Variants in PI15 observed in about 807,000 individuals in gnomAD.
The protein encoded by PI15 is 25 kDa trypsin inhibitor.
A neutral mutation model predicts 31.0 loss-of-function variants in PI15; 18 were observed. The observed-to-expected ratio is 0.58, with a 90% CI of 0.40 to 0.86. The LOEUF is 0.86. Ranked by LOEUF, PI15 falls within the 40% of genes least tolerant of loss-of-function variation. The pLI is 0.00. For missense variants in PI15, 282 were observed against 328.1 expected (o/e 0.86, Z 1.09); for synonymous variants, 118 against 119.1 (o/e 0.99, Z 0.06).
chr8:74,833,008 CAG>C, intron 2 of PI15, among the ~76,000 whole-genome samples: 1 of 152,100 alleles, frequency 6.6e-6, no homozygotes, highest in Non-Finnish European at 1.5e-5. Context: ...CTCTGCATTC[CAG>C]AGAGATCATG....
chr8:74,846,744 T>A (rs910695206), intron 5 of PI15, among the ~76,000 whole-genome samples: 10 of 151,816 alleles, frequency 6.6e-5, no homozygotes, highest in Non-Finnish European at 1.0e-4. Flanking sequence ...AAACCTAATA[T>A]GAAATTATGT....
At position 74,837,785 on chromosome 8, in the gene PI15, C is replaced by G. The variant is rs1293011863; in HGVS notation, c.274-6196C>G. Among the ~76,000 whole-genome samples, 5 of 152,158 alleles carry G rather than the reference C, an allele frequency of 3.3e-5. No homozygotes were observed. In the South Asian group the frequency reaches 8.3e-4, roughly 25 times the overall value. On this transcript the variant is annotated intron_variant, in intron 2 of 5. Coordinates refer to ENST00000260113, the MANE Select transcript of PI15 (RefSeq NM_015886.5). The stretch of plus-strand genomic sequence containing the variant: ...TAAATGTCCAAAAGGACATGCCACA[C>G]AGTCTCCAATGCCATTGACATGGCA...
At chr8:74,846,194 C>A (rs1811023032) in intron 5 of PI15, among the ~76,000 whole-genome samples, 1 of 152,164 alleles carries the variant, frequency 6.6e-6, no homozygotes, top group Admixed American at 6.5e-5. Context: ...AAATAAGTCT[C>A]AAACAAAGAT....
chr8:74,844,767 T>C (rs2128765912), intron 3 of PI15: 1 of 205,768 alleles, frequency 4.9e-6, no homozygotes, highest in Middle Eastern at 2.0e-3. Context: ...TCTAATATTG[T>C]GACTACTTTT....
intron 2 of PI15, among the ~76,000 whole-genome samples, chr8:74,827,904 A>G (rs1810722504): frequency 6.6e-6 from 1 of 152,136 alleles, no homozygotes; most frequent in African/African-American, 2.4e-5. Context: ...TAATTCAGTA[A>G]AAGTAATGAG....
At chr8:74,832,814 GC>G (rs966603587) in intron 2 of PI15, among the ~76,000 whole-genome samples, 3 of 151,970 alleles carry the variant, frequency 2.0e-5, no homozygotes, top group Non-Finnish European at 4.4e-5. Context: ...ATGGAAGAAT[GC>G]CCAACACGTT....
intron 3 of PI15, 140 bp downstream of exon 3, chr8:74,844,239 C>G: frequency 1.5e-6 from 1 of 663,288 alleles, no homozygotes; most frequent in Non-Finnish European, 2.7e-6. Context: ...AACGCTTGGC[C>G]TATGAATATT....
intron 2 of PI15, among the ~76,000 whole-genome samples, chr8:74,831,089 C>A (rs888869833): frequency 6.6e-6 from 1 of 152,130 alleles, no homozygotes; most frequent in Non-Finnish European, 1.5e-5. Context: ...AAGGTTCTTG[C>A]CTTTTGTTCC....
At chr8:74,839,275 AC>A (rs1440231423) in intron 2 of PI15, among the ~76,000 whole-genome samples, 1 of 152,178 alleles carries the variant, frequency 6.6e-6, no homozygotes, top group Non-Finnish European at 1.5e-5. Context: ...ATTTATAAGC[AC>A]AATAGCTCAT....
chr8:74,842,975 T>C (rs1424565919), intron 2 of PI15, among the ~76,000 whole-genome samples: 1 of 152,212 alleles, frequency 6.6e-6, no homozygotes, highest in African/African-American at 2.4e-5. Context: ...ATCATCGTAT[T>C]ATTTTTATTA....
At chr8:74,841,331 G>A (rs909465043) in intron 2 of PI15, among the ~76,000 whole-genome samples, 6 of 152,182 alleles carry the variant, frequency 3.9e-5, no homozygotes, top group African/African-American at 1.4e-4. Flanking sequence ...GGCTACTCAA[G>A]TGTATCTAAA....
In PI15 at chr8:74,852,078, C is replaced by T. The variant is rs1479953247; in HGVS notation, c.*2825C>T. 6.6e-6 allele frequency: 1 copy of T among 152,444 alleles called. No homozygotes were observed. Among genetic ancestry groups the T allele is most frequent in the East Asian group, 1.9e-4 (1 of 5,192 alleles). 9.4% of individuals were successfully genotyped at this position (152,444 alleles called of 1,614,324 possible). A position where few individuals can be genotyped will look rare whatever the true frequency, so the allele number is the denominator to read the frequency against. The stretch of plus-strand genomic sequence containing the variant: ...ATGGTGCTAGGATAGCTATTTCTTA[C>T]TGTAATTGCCAGAGGCAGAAATGGT... On this transcript the variant is annotated 3_prime_UTR_variant, in exon 6 of 6. Transcript: ENST00000260113.
intron 2 of PI15, among the ~76,000 whole-genome samples, chr8:74,829,613 A>G (rs1810751646): frequency 6.6e-6 from 1 of 152,176 alleles, no homozygotes; most frequent in Non-Finnish European, 1.5e-5. Context: ...AGATCCAAAG[A>G]AAACAAACAT....
chr8:74,842,020 T>C (rs993402507), intron 2 of PI15, among the ~76,000 whole-genome samples: 2 of 152,114 alleles, frequency 1.3e-5, no homozygotes, highest in Non-Finnish European at 2.9e-5. Flanking sequence ...TATCTTTTTT[T>C]TTCTTATTTT....
At chr8:74,848,083 T>C (rs2128766414) in intron 5 of PI15, among the ~76,000 whole-genome samples, 1 of 152,310 alleles carries the variant, frequency 6.6e-6, no homozygotes, top group South Asian at 2.1e-4. Context: ...TAAGTGGAGA[T>C]TTTGGTTTAT....
chr8:74,839,230 C>A (rs1357418940), intron 2 of PI15, among the ~76,000 whole-genome samples: 1 of 152,168 alleles, frequency 6.6e-6, no homozygotes, highest in Non-Finnish European at 1.5e-5. Flanking sequence ...GCTTCGCAGG[C>A]AAGGTACTGT....
Position 74,853,065 on chromosome 8 carries a change from AT to A in PI15, c.*3818del, listed in dbSNP as rs915324662. The A allele has an allele frequency of 1.2e-3, 181 of 152,676 alleles. No individual in the cohort carries two copies. The highest frequency in any genetic ancestry group is 4.2e-3 in the African/African-American group (175 of 41,566). 9.5% of individuals were successfully genotyped at this position (152,676 alleles called of 1,614,324 possible). ...CAATTATTTGAACACATGCAAAATA[AT>A]TTTTTAAATTATGTTATTGTTTAAA... On this transcript the variant is annotated 3_prime_UTR_variant, in exon 6 of 6. Coordinates refer to ENST00000260113, the MANE Select transcript of PI15 (RefSeq NM_015886.5).
At position 74,849,289 on chromosome 8, in the gene PI15, G is replaced by A; in HGVS notation, c.*36G>A. On this transcript the variant is annotated 3_prime_UTR_variant, in exon 6 of 6. Transcript: ENST00000260113. ...TCCTCCAGGAAATATAATGATTTCT[G>A]GGAACATGGGCATGTATATATATAT... The A allele has an allele frequency of 1.3e-6, 2 of 1,556,128 alleles. No homozygotes were observed. Among genetic ancestry groups the A allele is most frequent in the Non-Finnish European group, 1.8e-6 (2 of 1,132,466 alleles).
intron 2 of PI15, among the ~76,000 whole-genome samples, chr8:74,829,261 C>T (rs960598514): frequency 3.3e-5 from 5 of 151,988 alleles, no homozygotes; most frequent in Non-Finnish European, 5.9e-5. Flanking sequence ...TTTGATTCCA[C>T]ACCTGAATTA....
Sources: gnomAD v4.1 joint callset for allele counts (sites outside exome capture counted in the v4.1 genomes callset) on GRCh38, gnomAD v4.1.1 for gene constraint, MANE v1.5 for transcripts, NCBI Gene and HGNC (gene_info 2026-07-23, HGNC 2026-07-21) for gene names.